The following FNDC3B variants were observed in gnomAD, a reference collection of about 807,000 sequenced individuals.
FNDC3B encodes the protein fibronectin type III domain containing 3B, also known as fibronectin type III domain-containing protein 3B.
FNDC3B carries 12 observed loss-of-function variants against 151.5 expected under a neutral mutation model. The ratio of observed to expected loss-of-function variants is 0.08; its 90% CI spans 0.05 to 0.13. The LOEUF is 0.13. Ranked by LOEUF, FNDC3B falls within the 10% of genes least tolerant of loss-of-function variation. FNDC3B has a pLI of 1.00. For synonymous variants in FNDC3B, 528 were observed against 549.0 expected, an observed-to-expected ratio of 0.96 and a Z score of 0.54; for missense variants, 1,214 against 1,505.3, an observed-to-expected ratio of 0.81 and a Z score of 3.20.
intron 1 of FNDC3B, among the ~76,000 whole-genome samples, chr3:172,105,672 C>T (rs954463854): frequency 1.3e-5 from 2 of 150,604 alleles, no homozygotes; most frequent in Non-Finnish European, 1.5e-5. Context: ...ACACGGGCCT[C>T]GAACTTCGGA....
intron 3 of FNDC3B, among the ~76,000 whole-genome samples, chr3:172,152,180 C>A (rs1364216851): frequency 6.6e-6 from 1 of 152,212 alleles, no homozygotes; most frequent in Non-Finnish European, 1.5e-5. Flanking sequence ...AATTCCTCTT[C>A]ACAAAAATCG....
chr3:172,186,179 A>G (rs946715900), intron 3 of FNDC3B, among the ~76,000 whole-genome samples: 1 of 152,204 alleles, frequency 6.6e-6, no homozygotes, highest in Admixed American at 6.5e-5. Context: ...GTAGAACAAA[A>G]GCCTTTTTCT....
intron 3 of FNDC3B, among the ~76,000 whole-genome samples, chr3:172,210,575 C>G (rs1204241675): frequency 2.0e-5 from 3 of 152,022 alleles, no homozygotes; most frequent in Non-Finnish European, 4.4e-5. Context: ...ACGCTGTTCT[C>G]AAACTCCTGA....
intron 25 of FNDC3B, among the ~76,000 whole-genome samples, chr3:172,393,345 C>G (rs999770841): frequency 6.6e-6 from 1 of 152,116 alleles, no homozygotes; most frequent in African/African-American, 2.4e-5. Context: ...GTTATATATG[C>G]ACCCAACATT....
Position 172,353,052 on chromosome 3 carries a change from A to T in FNDC3B, c.2764A>T (p.Met922Leu). The T allele has an allele frequency of 6.2e-7, 1 of 1,614,080 alleles. No individual in the cohort carries two copies. The highest frequency in any genetic ancestry group is 8.5e-7 in the Non-Finnish European group (1 of 1,180,010). ...CGTGGGCAACACCACCATGCATGTT[A>T]TGAAAGATCTCCTTCCAGAAACCAC... ...ITVGNTTMHV[M>L]KDLLPETTYR... The change falls in exon 22 of 26, where the codon ATG (methionine) becomes TTG (leucine). Residue 922 changes from methionine (M) to leucine (L), a missense_variant. By Grantham distance (15) the Met-to-Leu change is conservative. This residue lies in a region of FNDC3B where 284 missense variants were observed against 392.4 expected (regional missense o/e 0.72). Transcript: ENST00000415807.
At position 172,373,806 on chromosome 3, in the gene FNDC3B, T is replaced by G. The variant is rs529040240; in HGVS notation, c.3009-4464T>G. On this transcript the variant is annotated intron_variant, in intron 23 of 25. Coordinates refer to ENST00000415807, the MANE Select transcript of FNDC3B (RefSeq NM_022763.4). Reference sequence around the variant, plus strand: ...CCCGAAGAAGGAAGATTCTCTCTTATTTTGCCTCCTGGAATGATGGGAAAT... The same window carrying G: ...CCCGAAGAAGGAAGATTCTCTCTTAGTTTGCCTCCTGGAATGATGGGAAAT... 9.8e-5 allele frequency among the ~76,000 whole-genome samples: 15 copies of G among 152,314 alleles called. No individual in the cohort carries two copies. In the South Asian group the frequency reaches 2.7e-3, roughly 27 times the overall value.
At chr3:172,229,084 AACACACAC>A (rs760446690) in intron 4 of FNDC3B, among the ~76,000 whole-genome samples, 7,624 of 117,804 alleles carry the variant, frequency 0.065, 198 homozygotes, top group Admixed American at 0.087. Flanking sequence ...GAAAGAAAGA[AACACACAC>A]ACACACACAC....
chr3:172,212,890 C>T (rs143545817), intron 3 of FNDC3B, among the ~76,000 whole-genome samples: 10 of 152,052 alleles, frequency 6.6e-5, no homozygotes, highest in Admixed American at 1.3e-4. Flanking sequence ...TATCAGTTAC[C>T]GTTTTGAATA....
chr3:172,205,211 G>T (rs1725362548), intron 3 of FNDC3B, among the ~76,000 whole-genome samples: 1 of 152,120 alleles, frequency 6.6e-6, no homozygotes, highest in Non-Finnish European at 1.5e-5. Flanking sequence ...TTGGTTGTCT[G>T]GGTATTCTTA....
intron 3 of FNDC3B, among the ~76,000 whole-genome samples, chr3:172,181,446 T>G (rs549154447): frequency 4.7e-5 from 7 of 150,126 alleles, no homozygotes; most frequent in Admixed American, 4.6e-4. Context: ...TTTACTGTCT[T>G]GTGGTCAAGT....
At chr3:172,101,239 C>T (rs904350684) in intron 1 of FNDC3B, among the ~76,000 whole-genome samples, 6 of 152,208 alleles carry the variant, frequency 3.9e-5, no homozygotes. Context: ...AAAGAGGCCA[C>T]AGCTGGGAAA....
In FNDC3B at chr3:172,051,357, A is replaced by G. The variant is rs188044137; in HGVS notation, c.-29+11586A>G. ...ACTTTTCAGAAGACTTGACTTTTTC[A>G]TTGTTGTCTAATAGTCTCCTTGTCT... On this transcript the variant is annotated intron_variant, in intron 1 of 25. Transcript: ENST00000415807. Among the ~76,000 whole-genome samples the G allele has an allele frequency of 7.3e-5, 11 of 151,538 alleles. No individual in the cohort carries two copies. The East Asian group carries it at 1.7e-3, about 24-fold the overall frequency.
At chr3:172,054,154 C>A (rs1046273060) in intron 1 of FNDC3B, among the ~76,000 whole-genome samples, 4 of 152,182 alleles carry the variant, frequency 2.6e-5, no homozygotes, top group African/African-American at 9.7e-5. Context: ...ATTCCTAATA[C>A]TAACTGTTTT....
chr3:172,057,259 G>T (rs1030742652), intron 1 of FNDC3B, among the ~76,000 whole-genome samples: 6 of 151,992 alleles, frequency 3.9e-5, no homozygotes, highest in African/African-American at 1.5e-4. Context: ...TTCATCTCTG[G>T]GTCACCACTG....
chr3:172,228,468 T>G (rs1330701281), intron 4 of FNDC3B, among the ~76,000 whole-genome samples: 1 of 152,184 alleles, frequency 6.6e-6, no homozygotes, highest in Non-Finnish European at 1.5e-5. Context: ...GAAGCTTCAG[T>G]GTGCTTTTTC....
At chr3:172,284,854 T>G (rs561189555) in intron 6 of FNDC3B, among the ~76,000 whole-genome samples, 1 of 151,556 alleles carries the variant, frequency 6.6e-6, no homozygotes, top group Non-Finnish European at 1.5e-5. Flanking sequence ...GACATATGTC[T>G]TAGTGATCAT....
chr3:172,199,179 A>AT (rs1407970046), intron 3 of FNDC3B, among the ~76,000 whole-genome samples: 1 of 138,706 alleles, frequency 7.2e-6, no homozygotes, highest in African/African-American at 2.9e-5. Flanking sequence ...ATTTTATTTT[A>AT]TTTTTTATTT....
rs1736433322 is a variant in FNDC3B, at chr3:172,399,090, C to A, written c.*1615C>A. The A allele has an allele frequency of 6.6e-6, 1 of 152,600 alleles. No individual in the cohort carries two copies. Among genetic ancestry groups the A allele is most frequent in the Non-Finnish European group, 1.5e-5 (1 of 68,032 alleles). The allele number at this position is 152,600 out of a possible 1,614,324, so 9.5% of individuals were successfully genotyped here. A position where few individuals can be genotyped will look rare whatever the true frequency, so the allele number is the denominator to read the frequency against. On this transcript the variant is annotated 3_prime_UTR_variant, in exon 26 of 26. Coordinates refer to ENST00000415807, the MANE Select transcript of FNDC3B (RefSeq NM_022763.4). Reference sequence around the variant, plus strand: ...ATTGTCTAAGATGCAGTATCCTGTACTAGCTTATAATATTCCCATACCAAA... The same window carrying A: ...ATTGTCTAAGATGCAGTATCCTGTAATAGCTTATAATATTCCCATACCAAA...
At chr3:172,133,840 T>C (rs1271315145) in intron 3 of FNDC3B, among the ~76,000 whole-genome samples, 1 of 152,196 alleles carries the variant, frequency 6.6e-6, no homozygotes. Context: ...AGGGGGCTAA[T>C]GGTAGGAAGT....
Sources: allele counts gnomAD v4.1 joint callset (sites outside exome capture counted in the v4.1 genomes callset), GRCh38; gene constraint gnomAD v4.1.1; regional missense constraint gnomAD v4.1.1; transcripts MANE v1.5; gene names NCBI Gene and HGNC (gene_info 2026-07-23, HGNC 2026-07-21).